CCDC144A: variants seen among roughly 807,000 people sequenced by gnomAD.
CCDC144A encodes coiled-coil domain-containing protein 144A.
CCDC144A carries 41 observed loss-of-function variants against 143.8 expected under a neutral mutation model. That is an observed-to-expected ratio of 0.29 (90% CI 0.22 to 0.37). CCDC144A has a LOEUF of 0.37. CCDC144A is among the 10% of genes least tolerant of loss of function. The pLI, the probability that CCDC144A is intolerant of heterozygous loss-of-function variation, is 1.00. For synonymous variants in CCDC144A, 242 were observed against 517.9 expected (o/e 0.47, Z 7.23); for missense variants, 637 against 1,488.8 (o/e 0.43, Z 9.41).
intron 12 of CCDC144A, among the ~76,000 whole-genome samples, chr17:16,750,180 A>C (rs1331587402): frequency 1.3e-5 from 2 of 151,982 alleles, no homozygotes; most frequent in African/African-American, 4.8e-5. Flanking sequence ...TAGTTGTGTA[A>C]TAGGGTCTGT....
In CCDC144A at chr17:16,732,990, G is replaced by T. The variant is rs576365669; in HGVS notation, c.2418+324G>T. ...AAAATCCTTGCTACTAACAACAGAC[G>T]TTCTAGTTTTCAGACATTATTTCAT... On this transcript the variant is annotated intron_variant, in intron 11 of 16. Transcript: ENST00000399273. Among the ~76,000 whole-genome samples, 1,023 of 151,604 alleles carry T rather than the reference G, an allele frequency of 6.7e-3. 13 individuals carry two copies. Among genetic ancestry groups the T allele is most frequent in the African/African-American group, 0.024 (974 of 41,168 alleles).
At chr17:16,770,880 C>G (rs1423055232) in intron 15 of CCDC144A, among the ~76,000 whole-genome samples, 1 of 151,730 alleles carries the variant, frequency 6.6e-6, no homozygotes, top group African/African-American at 2.4e-5. Flanking sequence ...TTTATAAGGC[C>G]TGGATGGTAA....
intron 3 of CCDC144A, chr17:16,706,838 G>T (rs1227159742): frequency 1.3e-5 from 2 of 152,142 alleles, no homozygotes; most frequent in Non-Finnish European, 2.9e-5. Flanking sequence ...AGATGCAGTA[G>T]AAAAATCAGT....
At chr17:16,769,362 C>T (rs1915734793) in intron 15 of CCDC144A, among the ~76,000 whole-genome samples, 1 of 152,236 alleles carries the variant, frequency 6.6e-6, no homozygotes, top group African/African-American at 2.4e-5. Flanking sequence ...GTTCTCCTAT[C>T]ATTTATGGCT....
chr17:16,684,705 C>T (rs1361355348), upstream of CCDC144A, among the ~76,000 whole-genome samples: 3 of 151,770 alleles, frequency 2.0e-5, no homozygotes, highest in Non-Finnish European at 4.4e-5. Flanking sequence ...TGGTCCACAT[C>T]TGTAACCCAG....
chr17:16,742,233 T>G (rs1914289379), intron 12 of CCDC144A, among the ~76,000 whole-genome samples: 2 of 152,194 alleles, frequency 1.3e-5, no homozygotes, highest in Non-Finnish European at 2.9e-5. Context: ...TCTCAGCCTC[T>G]AATACCCACA....
chr17:16,707,837 A>G (rs1349545623), intron 4 of CCDC144A, among the ~76,000 whole-genome samples: 2 of 152,232 alleles, frequency 1.3e-5, no homozygotes, highest in Non-Finnish European at 2.9e-5. Context: ...GATAATGTCA[A>G]TTATTGACAT....
At chr17:16,769,937 C>T (rs1915759204) in intron 15 of CCDC144A, among the ~76,000 whole-genome samples, 1 of 151,528 alleles carries the variant, frequency 6.6e-6, no homozygotes, top group Non-Finnish European at 1.5e-5. Flanking sequence ...AAGCGATTCT[C>T]CTGCCTCAGC....
chr17:16,725,427 T>C (rs1913360329), intron 8 of CCDC144A, among the ~76,000 whole-genome samples: 1 of 151,684 alleles, frequency 6.6e-6, no homozygotes, highest in African/African-American at 2.4e-5. Flanking sequence ...TTTTCTATCT[T>C]AGCAGTTGCA....
At chr17:16,724,787 ATTTTTTTTTTTTTTT>A (rs760344292) in intron 8 of CCDC144A, among the ~76,000 whole-genome samples, 15 of 35,112 alleles carry the variant, frequency 4.3e-4, no homozygotes, top group East Asian at 1.9e-3. Flanking sequence ...GATTAACTGA[ATTTTTTTTTTTTTTT>A]TTTTTTTTTT....
chr17:16,734,837 G>A lies in CCDC144A; in HGVS notation c.2566G>A (p.Val856Met). 1.3e-6 allele frequency: 2 copies of A among 1,563,826 alleles called. No individual in the cohort carries two copies. Among genetic ancestry groups the A allele is most frequent in the Middle Eastern group, 1.7e-4 (1 of 5,898 alleles). ...EKKYFEDIEA[V>M]KEKNDNLQKI... ...GAAATATTTTGAGGACATTGAGGCT[G>A]TGAAAGAAAAGAATGATAACCTTCA... Residue 856 changes from valine to methionine, a missense_variant, in exon 12 of 17, where the codon GTG becomes ATG. By Grantham distance (21) the Val-to-Met change is conservative. Transcript: ENST00000399273.
At chr17:16,718,442 A>G (rs1912899516) in intron 6 of CCDC144A, among the ~76,000 whole-genome samples, 1 of 152,224 alleles carries the variant, frequency 6.6e-6, no homozygotes, top group South Asian at 2.1e-4. Flanking sequence ...AGCTCGATTC[A>G]TTATCTTTTG....
chr17:16,721,280 T>G (rs1044985576), intron 8 of CCDC144A, among the ~76,000 whole-genome samples: 32 of 151,924 alleles, frequency 2.1e-4, no homozygotes, highest in Non-Finnish European at 4.0e-4. Flanking sequence ...ATCAGGAGAG[T>G]TAACATGTTC....
At chr17:16,738,551 T>C (rs557557919) in intron 12 of CCDC144A, among the ~76,000 whole-genome samples, 1 of 151,880 alleles carries the variant, frequency 6.6e-6, no homozygotes, top group East Asian at 1.9e-4. Flanking sequence ...TGTGGTGGTC[T>C]TTTGTGACTG....
At chr17:16,757,198 G>T (rs2143347071) in intron 12 of CCDC144A, among the ~76,000 whole-genome samples, 1 of 152,380 alleles carries the variant, frequency 6.6e-6, no homozygotes, top group Admixed American at 6.5e-5. Context: ...GACAGTAGCA[G>T]CTGGGGGCCG....
intron 12 of CCDC144A, among the ~76,000 whole-genome samples, chr17:16,737,062 A>C (rs1421025004): frequency 1.3e-5 from 2 of 151,430 alleles, no homozygotes; most frequent in Non-Finnish European, 1.5e-5. Context: ...CTTTGTCCTT[A>C]ACTAAATTCA....
chr17:16,672,329 C>T, the CCDC144A span, among the ~76,000 whole-genome samples: 1 of 151,994 alleles, frequency 6.6e-6, no homozygotes, highest in African/African-American at 2.4e-5. Context: ...CCTGTAATCC[C>T]AGCTATTCAG....
At chr17:16,706,884 C>A (rs1912094020) in intron 3 of CCDC144A, 1 of 152,076 alleles carries the variant, frequency 6.6e-6, no homozygotes, top group Non-Finnish European at 1.5e-5. Flanking sequence ...TACCTAGATA[C>A]CTGTTTACCT....
intron 5 of CCDC144A, chr17:16,710,278 A>G (rs146124726): frequency 0.054 from 8,456 of 155,290 alleles, 501 homozygotes; most frequent in African/African-American, 0.14. Flanking sequence ...GTCATAAGTA[A>G]CTCCTGTGCT....
Sources: gnomAD v4.1 joint callset for allele counts (sites outside exome capture counted in the v4.1 genomes callset) on GRCh38, gnomAD v4.1.1 for gene constraint, MANE v1.5 for transcripts, NCBI Gene and HGNC (gene_info 2026-07-23, HGNC 2026-07-21) for gene names.